GPC6: variants seen among roughly 807,000 people sequenced by gnomAD.
The protein encoded by GPC6 is glypican-6.
Under a neutral mutation model 55.2 loss-of-function variants are expected in GPC6, and 14 were observed. That is an observed-to-expected ratio of 0.25 (90% CI 0.17 to 0.40). The LOEUF (loss-of-function observed/expected upper bound fraction) is 0.40, where lower values mean the gene tolerates loss of function less well. Among genes scored for constraint, GPC6 ranks in the 10% least tolerant of loss-of-function variants. GPC6 has a pLI of 1.00. For missense variants in GPC6, 641 were observed against 708.5 expected (o/e 0.90, Z 1.08); for synonymous variants, 278 against 259.6 (o/e 1.07, Z -0.68).
chr13:93,470,408 T>C (rs1285107515), intron 1 of GPC6, among the ~76,000 whole-genome samples: 2 of 152,164 alleles, frequency 1.3e-5, no homozygotes, highest in East Asian at 1.9e-4. Context: ...ACTGTTAATA[T>C]AATGGCTTTT....
chr13:94,184,255 A>G (rs1273994339), intron 4 of GPC6, among the ~76,000 whole-genome samples: 2 of 152,158 alleles, frequency 1.3e-5, no homozygotes, highest in Admixed American at 6.5e-5. Context: ...AGCAATTGCA[A>G]CAGAAACAAA....
chr13:93,951,958 C>T (rs1188046793), intron 3 of GPC6, among the ~76,000 whole-genome samples: 1 of 152,086 alleles, frequency 6.6e-6, no homozygotes, highest in East Asian at 1.9e-4. Context: ...CCTTAGAGCT[C>T]AGAAATACAT....
intron 1 of GPC6, among the ~76,000 whole-genome samples, chr13:93,271,263 C>T (rs1171997619): frequency 6.6e-6 from 1 of 152,078 alleles, no homozygotes; most frequent in Non-Finnish European, 1.5e-5. Flanking sequence ...TTATCTTCTG[C>T]TTTGTGTAAT....
At chr13:94,031,091 TGC>T (rs1431219447) in intron 4 of GPC6, among the ~76,000 whole-genome samples, 1 of 150,858 alleles carries the variant, frequency 6.6e-6, no homozygotes, top group African/African-American at 2.4e-5. Context: ...CGTGTGTGTG[TGC>T]GTGTGTGTGT....
intron 6 of GPC6, among the ~76,000 whole-genome samples, chr13:94,337,680 T>C (rs1431784933): frequency 2.0e-5 from 3 of 152,164 alleles, no homozygotes; most frequent in African/African-American, 7.2e-5. Flanking sequence ...TCTCCCGACC[T>C]CAAGTGATCT....
chr13:94,119,352 CA>C (rs1005418574), intron 4 of GPC6, among the ~76,000 whole-genome samples: 7 of 151,568 alleles, frequency 4.6e-5, no homozygotes, highest in Admixed American at 4.6e-4. Context: ...CTAGGAGAGC[CA>C]AAGGAGGGGT....
intron 2 of GPC6, among the ~76,000 whole-genome samples, chr13:93,549,509 C>T (rs1027272372): frequency 2.6e-5 from 4 of 152,136 alleles, no homozygotes; most frequent in Non-Finnish European, 4.4e-5. Context: ...TTGAGGCAAA[C>T]TGCAGTGCAG....
rs144277928 is a variant in GPC6 at position 93,420,925 on chromosome 13, T to C, written c.161-124338T>C. On this transcript the variant is annotated intron_variant, in intron 1 of 8. Transcript: ENST00000377047. The stretch of plus-strand genomic sequence containing the variant: ...AATGGAATGGGAGTATCTAATTACA[T>C]TGAGTGTCAGGGTCATGGTGGATCC... Among the ~76,000 whole-genome samples, 89 of 152,090 alleles carry C rather than the reference T, an allele frequency of 5.9e-4. 1 individual carries two copies. The highest frequency in any genetic ancestry group is 5.4e-4 in the Non-Finnish European group (37 of 67,998).
chr13:94,094,407 G>C (rs779713553), intron 4 of GPC6, among the ~76,000 whole-genome samples: 1 of 152,096 alleles, frequency 6.6e-6, no homozygotes, highest in Non-Finnish European at 1.5e-5. Flanking sequence ...TATTAGCCCA[G>C]CAGTTCCACA....
intron 4 of GPC6, among the ~76,000 whole-genome samples, chr13:94,135,776 A>G (rs1467536927): frequency 6.6e-6 from 1 of 152,260 alleles, no homozygotes; most frequent in Non-Finnish European, 1.5e-5. Context: ...GCATAGCATG[A>G]AACTAAGACA....
intron 4 of GPC6, among the ~76,000 whole-genome samples, chr13:94,135,584 G>A (rs757347860): frequency 6.6e-5 from 10 of 152,156 alleles, no homozygotes; most frequent in Admixed American, 2.0e-4. Flanking sequence ...CCACCCACCC[G>A]TCAGGGTTGT....
At chr13:93,810,762 C>A (rs932950813) in intron 2 of GPC6, among the ~76,000 whole-genome samples, 2 of 152,112 alleles carry the variant, frequency 1.3e-5, no homozygotes, top group Admixed American at 6.5e-5. Flanking sequence ...TTAGCTGATG[C>A]CTGGATCTGC....
At chr13:94,344,554 C>T (rs1338827517) in intron 6 of GPC6, among the ~76,000 whole-genome samples, 3 of 152,214 alleles carry the variant, frequency 2.0e-5, no homozygotes, top group Non-Finnish European at 2.9e-5. Flanking sequence ...CATCCTGAAG[C>T]TTCATGACTG....
chr13:94,103,071 G>A (rs1375409949), intron 4 of GPC6, among the ~76,000 whole-genome samples: 2 of 152,086 alleles, frequency 1.3e-5, no homozygotes, highest in Non-Finnish European at 1.5e-5. Flanking sequence ...GGTGTGTGAT[G>A]TTCCCCTCCC....
intron 2 of GPC6, among the ~76,000 whole-genome samples, chr13:93,819,474 C>CCTAA (rs1304809847): frequency 6.6e-6 from 1 of 152,132 alleles, no homozygotes; most frequent in Non-Finnish European, 1.5e-5. Flanking sequence ...ACTGTTAATA[C>CCTAA]AGTTATATAC....
At chr13:93,359,968 C>T (rs1390148077) in intron 1 of GPC6, among the ~76,000 whole-genome samples, 14 of 152,114 alleles carry the variant, frequency 9.2e-5, no homozygotes. Context: ...CCTTCCCAGC[C>T]TCTGTATTAA....
chr13:93,847,761 G>T (rs1888241296), intron 3 of GPC6, among the ~76,000 whole-genome samples: 1 of 151,984 alleles, frequency 6.6e-6, no homozygotes, highest in Non-Finnish European at 1.5e-5. Context: ...TCACCGCCAT[G>T]CTGCAAATTG....
chr13:93,882,691 C>T (rs1875069750), intron 3 of GPC6, among the ~76,000 whole-genome samples: 2 of 151,964 alleles, frequency 1.3e-5, no homozygotes, highest in African/African-American at 2.4e-5. Flanking sequence ...TTTAAAAGAT[C>T]TGTATCTGAA....
chr13:94,151,751 G>A (rs1887750263), intron 4 of GPC6, among the ~76,000 whole-genome samples: 2 of 152,080 alleles, frequency 1.3e-5, no homozygotes, highest in African/African-American at 4.8e-5. Flanking sequence ...TCCTTCGAAA[G>A]GGCATCCCTA....
Sources: gnomAD v4.1 joint callset for allele counts (sites outside exome capture counted in the v4.1 genomes callset) on GRCh38, gnomAD v4.1.1 for gene constraint, MANE v1.5 for transcripts, NCBI Gene and HGNC (gene_info 2026-07-23, HGNC 2026-07-21) for gene names.